The following ATP6V1A variants were observed in gnomAD, a reference collection of about 807,000 sequenced individuals.
ATP6V1A encodes the protein ATPase H+ transporting V1 subunit A, also known as V-type proton ATPase catalytic subunit A.
In ATP6V1A, 18 loss-of-function variants were observed where a neutral mutation model predicts 70.1. That is an observed-to-expected ratio of 0.26 (90% CI 0.18 to 0.38). ATP6V1A has a LOEUF of 0.38. ATP6V1A is among the 10% of genes least tolerant of loss of function. The probability of loss-of-function intolerance (pLI) is 1.00; values close to 1 mark genes in which losing one functional copy is unlikely to be tolerated. For missense variants in ATP6V1A, 424 were observed against 772.4 expected (o/e 0.55, Z 5.35); for synonymous variants, 232 against 253.8 (o/e 0.91, Z 0.82).
intron 1 of ATP6V1A, among the ~76,000 whole-genome samples, chr3:113,756,099 T>A (rs912369763): frequency 1.3e-5 from 2 of 152,180 alleles, no homozygotes; most frequent in Non-Finnish European, 2.9e-5. Flanking sequence ...TTTTCTATAT[T>A]TAACAAATGA....
rs13321446 is a variant in ATP6V1A, at chr3:113,803,697, T to G, written c.1589+20T>G. ...TGACAGGTAAGCTATATTGATTTCCTTTTTTTATTTGAGGATTTTCTGTTG... is the reference window on the plus strand; with the variant it reads ...TGACAGGTAAGCTATATTGATTTCCGTTTTTTATTTGAGGATTTTCTGTTG... On this transcript the variant is annotated intron_variant, in intron 13 of 14. Transcript: ENST00000273398. 206 of 1,544,068 alleles carry G rather than the reference T, an allele frequency of 1.3e-4. No homozygotes were observed. The highest frequency in any genetic ancestry group is 4.3e-4 in the Admixed American group (23 of 53,290).
At chr3:113,801,966 G>GTA (rs1424806375) in intron 12 of ATP6V1A, among the ~76,000 whole-genome samples, 32 of 149,716 alleles carry the variant, frequency 2.1e-4, no homozygotes, top group Admixed American at 1.4e-3. Flanking sequence ...ATGCAAGAAT[G>GTA]TAGTTAACTC....
intron 1 of ATP6V1A, among the ~76,000 whole-genome samples, chr3:113,752,748 G>A (rs1577078510): frequency 6.6e-6 from 1 of 151,974 alleles, no homozygotes; most frequent in East Asian, 1.9e-4. Flanking sequence ...ATCCAATGGT[G>A]AAAAAGGGCA....
At position 113,794,933 on chromosome 3, in the gene ATP6V1A, T is replaced by C; in HGVS notation, c.1050T>C (p.Ser350=). Reference sequence around the variant, plus strand: ...ATCATGTCAGTATGATGGCTGACTCTACCTCTAGATGGGCTGAGGCCCTTA... The same window carrying C: ...ATCATGTCAGTATGATGGCTGACTCCACCTCTAGATGGGCTGAGGCCCTTA... ...MGYHVSMMAD[S]TSRWAEALRE... The change falls in exon 9 of 15, where the codon TCT becomes TCC. Residue 350 remains serine (S), a synonymous_variant. Transcript: ENST00000273398. 2 of 1,614,128 alleles carry C rather than the reference T, an allele frequency of 1.2e-6. No homozygotes were observed. The highest frequency in any genetic ancestry group is 1.3e-5 in the African/African-American group (1 of 75,070).
intron 12 of ATP6V1A, 85 bp from the exon 13 acceptor site, chr3:113,803,498 A>G (rs1709238643): frequency 3.1e-6 from 3 of 972,522 alleles, no homozygotes; most frequent in Non-Finnish European, 4.8e-6. Context: ...TGGAAACTAT[A>G]TAATAGTTTC....
At chr3:113,803,382 A>T (rs1709237422) in intron 12 of ATP6V1A, 1 of 543,854 alleles carries the variant, frequency 1.8e-6, no homozygotes, top group Non-Finnish European at 3.3e-6. Context: ...TATAATTAAA[A>T]GTGGCAAAGA....
chr3:113,787,363 C>T (rs926291071), intron 6 of ATP6V1A, among the ~76,000 whole-genome samples: 20 of 152,150 alleles, frequency 1.3e-4, no homozygotes, highest in African/African-American at 4.8e-4. Flanking sequence ...AAGTTTGATG[C>T]TGGATCTACT....
At chr3:113,800,350 G>A (rs962470845) in intron 12 of ATP6V1A, among the ~76,000 whole-genome samples, 4 of 152,052 alleles carry the variant, frequency 2.6e-5, no homozygotes, top group South Asian at 2.1e-4. Flanking sequence ...TAAAGTGTGA[G>A]CTTCTCCCCT....
intron 1 of ATP6V1A, among the ~76,000 whole-genome samples, chr3:113,765,833 A>T (rs1708763928): frequency 6.6e-6 from 1 of 150,906 alleles, no homozygotes; most frequent in South Asian, 2.1e-4. Context: ...AGGCTGAGAC[A>T]GGAGAATCGC....
At chr3:113,761,083 A>ACAT (rs34511952) in intron 1 of ATP6V1A, among the ~76,000 whole-genome samples, 54,033 of 149,862 alleles carry the variant, frequency 0.36, 9,774 homozygotes, top group African/African-American at 0.4. Flanking sequence ...AAAAAAATAG[A>ACAT]CATATTTTCT....
intron 1 of ATP6V1A, among the ~76,000 whole-genome samples, chr3:113,772,933 CTT>C (rs762901487): frequency 1.4e-3 from 127 of 90,422 alleles, no homozygotes; most frequent in Non-Finnish European, 1.9e-3. Flanking sequence ...TTAATATTGG[CTT>C]TTTTTTTTTT....
chr3:113,788,785 A>G lies in ATP6V1A; in HGVS notation c.789A>G (p.Leu263=), dbSNP rs752985710. 5.0e-6 allele frequency: 8 copies of G among 1,613,604 alleles called. No individual in the cohort carries two copies. In the South Asian group the frequency reaches 8.8e-5, roughly 18 times the overall value. ...GCGKTVISQS[L]SKYSNSDVII... is the part of the protein sequence containing the mutation. ...GAAAGACAGTGATATCACAGTCTCT[A>G]TCCAAGTATTCTAACAGTGATGTAA... Residue 263 remains leucine (L), a synonymous_variant, in exon 7 of 15, where the codon CTA becomes CTG. Coordinates refer to ENST00000273398, the MANE Select transcript of ATP6V1A (RefSeq NM_001690.4).
chr3:113,793,185 G>A (rs1452852708), intron 8 of ATP6V1A, among the ~76,000 whole-genome samples: 4 of 151,842 alleles, frequency 2.6e-5, no homozygotes, highest in Non-Finnish European at 4.4e-5. Context: ...TCAGCCTCCC[G>A]AGTAGCTGGG....
At chr3:113,757,502 C>G (rs944089183) in intron 1 of ATP6V1A, among the ~76,000 whole-genome samples, 2 of 152,164 alleles carry the variant, frequency 1.3e-5, no homozygotes, top group African/African-American at 4.8e-5. Flanking sequence ...CCTCATGGCA[C>G]GAAAGTGTGT....
At chr3:113,804,193 A>G (rs1376125691) in intron 13 of ATP6V1A, among the ~76,000 whole-genome samples, 2 of 149,660 alleles carry the variant, frequency 1.3e-5, no homozygotes, top group African/African-American at 4.9e-5. Context: ...GAGTTTTGCC[A>G]TGTTGCCCAG....
chr3:113,747,674 G>T (rs886985353), intron 1 of ATP6V1A, among the ~76,000 whole-genome samples: 1 of 152,212 alleles, frequency 6.6e-6, no homozygotes, highest in Non-Finnish European at 1.5e-5. Flanking sequence ...GGAAGGTTCC[G>T]TAGATGTTCA....
intron 11 of ATP6V1A, among the ~76,000 whole-genome samples, chr3:113,796,575 A>G (rs1464511588): frequency 6.6e-6 from 1 of 152,210 alleles, no homozygotes; most frequent in Non-Finnish European, 1.5e-5. Context: ...CATGAATTTT[A>G]GTGGATAGGT....
chr3:113,806,939 G>A (rs925703114), intron 14 of ATP6V1A, among the ~76,000 whole-genome samples: 1 of 151,922 alleles, frequency 6.6e-6, no homozygotes, highest in Admixed American at 6.6e-5. Context: ...CACCTACTGA[G>A]AATGATTCTC....
intron 1 of ATP6V1A, among the ~76,000 whole-genome samples, chr3:113,754,925 T>C (rs1708630407): frequency 1.3e-5 from 2 of 152,202 alleles, no homozygotes; most frequent in South Asian, 4.1e-4. Flanking sequence ...AGCAGATGCT[T>C]TAGAGTTGGA....
Sources: gnomAD v4.1 joint callset for allele counts (sites outside exome capture counted in the v4.1 genomes callset) on GRCh38, gnomAD v4.1.1 for gene constraint, MANE v1.5 for transcripts, NCBI Gene and HGNC (gene_info 2026-07-23, HGNC 2026-07-21) for gene names.